DEPDC5: variants seen among roughly 807,000 people sequenced by gnomAD.
DEPDC5 encodes DEP domain containing 5, GATOR1 subcomplex subunit.
A neutral mutation model predicts 217.3 loss-of-function variants in DEPDC5; 73 were observed. That is an observed-to-expected ratio of 0.34 (90% CI 0.28 to 0.41). DEPDC5 has a LOEUF of 0.41. Ranked by LOEUF, DEPDC5 falls within the 10% of genes least tolerant of loss-of-function variation. The pLI, the probability that DEPDC5 is intolerant of heterozygous loss-of-function variation, is 1.00. For synonymous variants in DEPDC5, 733 were observed against 756.7 expected (o/e 0.97, Z 0.51); for missense variants, 1,675 against 2,070.1 (o/e 0.81, Z 3.70).
chr22:31,819,849 C>T (rs980919793), intron 22 of DEPDC5, among the ~76,000 whole-genome samples: 3 of 152,036 alleles, frequency 2.0e-5, no homozygotes, highest in Non-Finnish European at 4.4e-5. Context: ...CTTGTTCATT[C>T]CTTCTTCTCT....
At chr22:31,827,156 A>G (rs747174949) in intron 24 of DEPDC5, among the ~76,000 whole-genome samples, 9 of 152,090 alleles carry the variant, frequency 5.9e-5, no homozygotes, top group Non-Finnish European at 1.0e-4. Flanking sequence ...AAGTGGGGTC[A>G]TCTTTTCCCT....
At chr22:31,786,791 G>A (rs986451306) in intron 10 of DEPDC5, among the ~76,000 whole-genome samples, 4 of 151,956 alleles carry the variant, frequency 2.6e-5, no homozygotes, top group African/African-American at 9.7e-5. Context: ...TTTTATTTTT[G>A]TAGAGACAGG....
At chr22:31,825,692 C>G (rs576681551) in intron 24 of DEPDC5, among the ~76,000 whole-genome samples, 8 of 152,304 alleles carry the variant, frequency 5.3e-5, no homozygotes, top group African/African-American at 1.7e-4. Context: ...TCTTCCTGCT[C>G]TGTTCTCATC....
chr22:31,830,630 CGTGTGTGTGT>C (rs34078350), intron 24 of DEPDC5, among the ~76,000 whole-genome samples: 51 of 142,550 alleles, frequency 3.6e-4, no homozygotes, highest in Admixed American at 9.9e-4. Flanking sequence ...TATGCGTGTA[CGTGTGTGTGT>C]GTGTGTGTGT....
chr22:31,837,371 G>T, intron 26 of DEPDC5: 1 of 591,026 alleles, frequency 1.7e-6, no homozygotes. Flanking sequence ...TTTTAACTGA[G>T]AGAGGGTCTC....
Position 31,901,750 on chromosome 22 carries a change from C to T in DEPDC5, c.4384C>T (p.Pro1462Ser). The T allele has an allele frequency of 6.2e-7, 1 of 1,612,922 alleles. No individual in the cohort carries two copies. Among genetic ancestry groups the T allele is most frequent in the Non-Finnish European group, 8.5e-7 (1 of 1,179,378 alleles). The change falls in exon 41 of 43, where the codon CCC (proline) becomes TCC (serine). Residue 1462 changes from proline to serine, a missense_variant. Coordinates refer to ENST00000651528, the MANE Select transcript of DEPDC5 (RefSeq NM_001242896.3). ...TCTTATTTTCCTTTCAGGCTTTGAA[C>T]CCGAAACGTACTGGGATCGAATGCA... Reference protein sequence around the residue: ...GSEHLFDSFEPETYWDRMHLF... With the variant: ...GSEHLFDSFESETYWDRMHLF...
intron 10 of DEPDC5, among the ~76,000 whole-genome samples, chr22:31,788,207 G>GA (rs796903585): frequency 8.9e-4 from 134 of 150,266 alleles, no homozygotes; most frequent in African/African-American, 3.1e-3. Context: ...TAGTCATTAG[G>GA]AAAATGCAAC....
intron 4 of DEPDC5, among the ~76,000 whole-genome samples, chr22:31,762,380 G>A (rs2082468251): frequency 1.3e-5 from 2 of 152,200 alleles, no homozygotes; most frequent in Admixed American, 6.5e-5. Flanking sequence ...ATGCCATGCT[G>A]TTCAAGGAAC....
intron 29 of DEPDC5, 141 bp from the exon 30 acceptor site, chr22:31,844,877 A>C: frequency 2.3e-6 from 2 of 858,376 alleles, no homozygotes; most frequent in Admixed American, 2.5e-5. Context: ...TTTTCAACAA[A>C]GCCATGAGCT....
At chr22:31,875,025 A>T (rs1338603577) in intron 36 of DEPDC5, among the ~76,000 whole-genome samples, 1 of 152,232 alleles carries the variant, frequency 6.6e-6, no homozygotes, top group African/African-American at 2.4e-5. Context: ...GAACTGGAAT[A>T]ACAAGGAAAT....
chr22:31,781,226 C>A (rs868762613), intron 8 of DEPDC5, among the ~76,000 whole-genome samples: 11 of 125,460 alleles, frequency 8.8e-5, no homozygotes, highest in South Asian at 2.7e-4. Context: ...CAAAAACAAA[C>A]AAACAAACAA....
chr22:31,797,474 G>T (rs746851171), intron 12 of DEPDC5, 126 bp from the exon 13 acceptor site: 20 of 706,380 alleles, frequency 2.8e-5, no homozygotes, highest in Non-Finnish European at 4.7e-5. Flanking sequence ...CCATGATCCA[G>T]TCACCTCCCA....
chr22:31,904,165 G>A (rs951818642), intron 41 of DEPDC5, among the ~76,000 whole-genome samples: 1 of 149,586 alleles, frequency 6.7e-6, no homozygotes, highest in Admixed American at 6.6e-5. Context: ...GTGACCTACC[G>A]CTCCTCCTTC....
At chr22:31,875,575 C>G (rs1243473477) in intron 36 of DEPDC5, 1 of 145,668 alleles carries the variant, frequency 6.9e-6, no homozygotes, top group African/African-American at 2.6e-5. Flanking sequence ...TATCTGAAAT[C>G]AGTATAGAGA....
chr22:31,888,170 T>C (rs2093357687), intron 38 of DEPDC5, among the ~76,000 whole-genome samples: 1 of 151,152 alleles, frequency 6.6e-6, no homozygotes, highest in South Asian at 2.1e-4. Context: ...TCTGAGACTC[T>C]AGAAGCAGCA....
intron 2 of DEPDC5, among the ~76,000 whole-genome samples, chr22:31,756,458 C>T (rs1410497070): frequency 1.3e-5 from 2 of 152,164 alleles, no homozygotes; most frequent in African/African-American, 4.8e-5. Flanking sequence ...TACTTTGATG[C>T]TGTTGATGTT....
At chr22:31,765,104 C>T (rs929862366) in intron 5 of DEPDC5, 44 bp downstream of exon 5, 6 of 1,477,174 alleles carry the variant, frequency 4.1e-6, no homozygotes, top group Admixed American at 1.7e-5. Context: ...GGAATAAGCA[C>T]CCTTCCTCAA....
chr22:31,783,793 A>G (rs762739654), intron 8 of DEPDC5, 114 bp from the exon 9 acceptor site: 1 of 832,812 alleles, frequency 1.2e-6, no homozygotes, highest in Non-Finnish European at 1.9e-6. Flanking sequence ...GTATAGTTCA[A>G]TAGTGTTAAG....
Position 31,783,915 on chromosome 22 carries a change from T to C in DEPDC5, c.492T>C (p.Phe164=). 1 of 1,612,878 alleles carries C rather than the reference T, an allele frequency of 6.2e-7. No individual in the cohort carries two copies. Among genetic ancestry groups the C allele is most frequent in the Non-Finnish European group, 8.5e-7 (1 of 1,179,644 alleles). Residue 164 remains phenylalanine (F), a synonymous_variant, in exon 9 of 43, where the codon TTT becomes TTC. Transcript: ENST00000651528. ...TTGTGTTTTTATTTCAGGTGGTGTT[T>C]CGTTCTACGTCGGCTATGGTTTACA... The part of the protein sequence containing the change: ...GYISEDTRVV[F]RSTSAMVYIF...
Sources: gnomAD v4.1 joint callset for allele counts (sites outside exome capture counted in the v4.1 genomes callset) on GRCh38, gnomAD v4.1.1 for gene constraint, MANE v1.5 for transcripts, NCBI Gene and HGNC (gene_info 2026-07-23, HGNC 2026-07-21) for gene names.